The following TTC29 variants were observed in gnomAD, a reference collection of about 807,000 sequenced individuals.
TTC29 encodes the protein tetratricopeptide repeat domain 29, also known as tetratricopeptide repeat protein 29.
In TTC29, 49 loss-of-function variants were observed where a neutral mutation model predicts 58.1. The observed-to-expected ratio is 0.84, with a 90% CI of 0.67 to 1.07. TTC29 has a LOEUF of 1.07. TTC29 is among the 50% of genes least tolerant of loss of function. TTC29 has a pLI of 0.00. For synonymous variants in TTC29, 209 were observed against 196.8 expected, an observed-to-expected ratio of 1.06 and a Z score of -0.52; for missense variants, 582 against 555.6, an observed-to-expected ratio of 1.05 and a Z score of -0.48.
intron 6 of TTC29, among the ~76,000 whole-genome samples, chr4:146,902,230 C>T (rs895167580): frequency 2.0e-5 from 3 of 152,082 alleles, no homozygotes; most frequent in South Asian, 2.1e-4. Flanking sequence ...CCTTGCCCTC[C>T]GTGTACAGAA....
At chr4:146,808,583 C>T (rs1430030563) in intron 10 of TTC29, among the ~76,000 whole-genome samples, 2 of 152,082 alleles carry the variant, frequency 1.3e-5, no homozygotes, top group East Asian at 3.9e-4. Context: ...ACAAGCATTC[C>T]TATACACCAA....
At chr4:146,839,800 C>T (rs966284141) in intron 8 of TTC29, among the ~76,000 whole-genome samples, 1 of 151,624 alleles carries the variant, frequency 6.6e-6, no homozygotes, top group African/African-American at 2.4e-5. Flanking sequence ...GGCATCTCTT[C>T]TCTACCCCTT....
rs190380340 is a variant in TTC29 at position 146,936,897 on chromosome 4, T to G, written c.176+697A>C. ...GAATTCCATAAGATACGTGTAAATT[T>G]ACAAGATTTCCATTTTTCAATACTT... is the stretch of plus-strand genomic sequence containing the variant. On this transcript the variant is annotated intron_variant, in intron 4 of 12. Coordinates refer to ENST00000325106, the MANE Select transcript of TTC29 (RefSeq NM_031956.4). Among the ~76,000 whole-genome samples, 34 of 152,254 alleles carry G rather than the reference T, an allele frequency of 2.2e-4. No homozygotes were observed. The East Asian group carries it at 4.0e-3, about 18-fold the overall frequency.
intron 10 of TTC29, among the ~76,000 whole-genome samples, chr4:146,817,157 C>T (rs937981597): frequency 5.9e-5 from 9 of 152,108 alleles, no homozygotes; most frequent in East Asian, 1.9e-4. Context: ...TGTTTGCAGA[C>T]GACATGATTG....
At chr4:146,894,265 G>C (rs1024825056) in intron 6 of TTC29, among the ~76,000 whole-genome samples, 1 of 151,988 alleles carries the variant, frequency 6.6e-6, no homozygotes, top group Non-Finnish European at 1.5e-5. Flanking sequence ...CAATAGCAAA[G>C]ACTTGGAACC....
intron 3 of TTC29, 122 bp downstream of exon 3, chr4:146,939,682 A>C: frequency 1.2e-6 from 1 of 868,090 alleles, no homozygotes; most frequent in Non-Finnish European, 1.8e-6. Flanking sequence ...CAATATTCTC[A>C]ATATAACAAG....
chr4:146,816,756 T>C (rs1751434782), intron 10 of TTC29, among the ~76,000 whole-genome samples: 1 of 152,090 alleles, frequency 6.6e-6, no homozygotes, highest in Non-Finnish European at 1.5e-5. Context: ...GACACCTTGT[T>C]TGAAAGCACT....
chr4:146,927,247 CTAT>C (rs1451079376), intron 4 of TTC29, among the ~76,000 whole-genome samples: 1 of 151,972 alleles, frequency 6.6e-6, no homozygotes, highest in Non-Finnish European at 1.5e-5. Flanking sequence ...GAAACAGGTC[CTAT>C]TATCATTATT....
At chr4:146,743,861 T>C (rs534201040) in intron 11 of TTC29, among the ~76,000 whole-genome samples, 2 of 152,300 alleles carry the variant, frequency 1.3e-5, no homozygotes, top group African/African-American at 4.8e-5. Flanking sequence ...CAGGAAGATA[T>C]TTACAAATTG....
intron 6 of TTC29, among the ~76,000 whole-genome samples, chr4:146,877,348 A>G (rs1731333896): frequency 6.6e-6 from 1 of 152,092 alleles, no homozygotes; most frequent in African/African-American, 2.4e-5. Flanking sequence ...TTTTGTCATC[A>G]GGATATACAA....
chr4:146,840,472 G>A (rs1449691489), intron 8 of TTC29, among the ~76,000 whole-genome samples: 1 of 152,026 alleles, frequency 6.6e-6, no homozygotes, highest in Non-Finnish European at 1.5e-5. Flanking sequence ...TACTATGTAA[G>A]GAAATAAGAC....
chr4:146,781,694 C>T (rs1579658886), intron 11 of TTC29, among the ~76,000 whole-genome samples: 1 of 151,890 alleles, frequency 6.6e-6, no homozygotes, highest in Non-Finnish European at 1.5e-5. Flanking sequence ...CCAATACTGC[C>T]TTATCTCAAA....
Position 146,903,528 on chromosome 4 carries a change from G to A in TTC29, c.586+16C>T. 1 of 1,585,514 alleles carries A rather than the reference G, an allele frequency of 6.3e-7. No homozygotes were observed. The highest frequency in any genetic ancestry group is 8.6e-7 in the Non-Finnish European group (1 of 1,164,952). ...ACCAAAACATACCCAAGGCATCCTG[G>A]CAAATGCCCACTCACCATCTTCCTC... On this transcript the variant is annotated intron_variant, in intron 6 of 12. Coordinates refer to ENST00000325106, the MANE Select transcript of TTC29 (RefSeq NM_031956.4).
rs12646869 is a variant in TTC29, at chr4:146,721,135, G to A, written c.1331-13584C>T. Among the ~76,000 whole-genome samples the A allele has an allele frequency of 5.5e-3, 836 of 152,232 alleles. 63 individuals are homozygous for A. The East Asian group carries it at 0.13, about 24-fold the overall frequency. On this transcript the variant is annotated intron_variant, in intron 11 of 12. Transcript: ENST00000325106. ...CAATTAATTTAGTAGGGGACACAGA[G>A]TTTCAAAACAAATACTGACTTTAAA...
intron 3 of TTC29, among the ~76,000 whole-genome samples, chr4:146,939,545 T>C (rs1560741450): frequency 6.6e-6 from 1 of 152,108 alleles, no homozygotes; most frequent in East Asian, 1.9e-4. Context: ...TCTCCAAAAC[T>C]CTACGGGAAC....
intron 10 of TTC29, among the ~76,000 whole-genome samples, chr4:146,812,285 G>A (rs1751076615): frequency 6.6e-6 from 1 of 152,072 alleles, no homozygotes; most frequent in South Asian, 2.1e-4. Context: ...ATATTTCTGA[G>A]ATTTCAATTA....
intron 9 of TTC29, among the ~76,000 whole-genome samples, chr4:146,824,451 C>G (rs1479400216): frequency 6.6e-6 from 1 of 152,134 alleles, no homozygotes; most frequent in Non-Finnish European, 1.5e-5. Context: ...AGGGATGAAG[C>G]TGACTTGATC....
chr4:146,852,447 G>A (rs554136951), intron 8 of TTC29, among the ~76,000 whole-genome samples: 52 of 152,268 alleles, frequency 3.4e-4, no homozygotes, highest in Admixed American at 2.7e-3. Context: ...GTGACCACGG[G>A]CTGACTAGTT....
chr4:146,808,360 A>G (rs1469855326), intron 10 of TTC29, among the ~76,000 whole-genome samples: 1 of 152,184 alleles, frequency 6.6e-6, no homozygotes, highest in Non-Finnish European at 1.5e-5. Flanking sequence ...CACCACTCCT[A>G]TTCAACATAG....
Sources: gnomAD v4.1 joint callset for allele counts (sites outside exome capture counted in the v4.1 genomes callset) on GRCh38, gnomAD v4.1.1 for gene constraint, MANE v1.5 for transcripts, NCBI Gene and HGNC (gene_info 2026-07-23, HGNC 2026-07-21) for gene names.